PROM1: variants seen among roughly 807,000 people sequenced by gnomAD.
The protein encoded by PROM1 is prominin-1.
In PROM1, 105 loss-of-function variants were observed where a neutral mutation model predicts 116.9. That is an observed-to-expected ratio of 0.90 (90% CI 0.77 to 1.06). The LOEUF is 1.06. Ranked by LOEUF, PROM1 falls within the 50% of genes least tolerant of loss-of-function variation. The pLI, the probability that PROM1 is intolerant of heterozygous loss-of-function variation, is 0.00. For synonymous variants in PROM1, 393 were observed against 387.0 expected, an observed-to-expected ratio of 1.02 and a Z score of -0.18; for missense variants, 1,122 against 1,045.2, an observed-to-expected ratio of 1.07 and a Z score of -1.01.
At chr4:16,024,440 A>G in intron 6 of PROM1, 82 bp from the exon 7 acceptor site, 1 of 1,176,510 alleles carries the variant, frequency 8.5e-7, no homozygotes, top group Non-Finnish European at 1.2e-6. Context: ...AATATACAAA[A>G]GTTTTCCTGA....
chr4:16,044,012 G>C (rs10213467), intron 2 of PROM1, among the ~76,000 whole-genome samples: 121,717 of 152,168 alleles, frequency 0.8, 49,249 homozygotes, highest in East Asian at 0.94. Context: ...TTCTCTTGCA[G>C]TTTCTCACTA....
chr4:16,022,305 C>T (rs540160601), intron 8 of PROM1, among the ~76,000 whole-genome samples: 5 of 152,114 alleles, frequency 3.3e-5, no homozygotes, highest in Non-Finnish European at 7.4e-5. Context: ...ATGAAGAGAA[C>T]AGATGTCTAG....
chr4:16,056,248 G>A (rs1738984922), intron 2 of PROM1, among the ~76,000 whole-genome samples: 1 of 152,158 alleles, frequency 6.6e-6, no homozygotes, highest in African/African-American at 2.4e-5. Context: ...AGAAAACGCT[G>A]CAACCAGATT....
intron 16 of PROM1, among the ~76,000 whole-genome samples, chr4:15,992,786 A>G (rs1278504979): frequency 1.3e-5 from 2 of 152,186 alleles, no homozygotes; most frequent in African/African-American, 4.8e-5. Context: ...AGAAGCTGAA[A>G]GGGACACAGG....
intron 13 of PROM1, among the ~76,000 whole-genome samples, chr4:16,004,913 TCC>T (rs1724955708): frequency 9.5e-6 from 1 of 105,694 alleles, no homozygotes; most frequent in African/African-American, 3.2e-5. Context: ...CTCCCTTCCT[TCC>T]TTCCTTCCTT....
chr4:16,041,790 AT>A (rs1560554311), intron 2 of PROM1, among the ~76,000 whole-genome samples: 20 of 84,044 alleles, frequency 2.4e-4, no homozygotes, highest in African/African-American at 1.0e-3. Context: ...AAATAAATAT[AT>A]ATATATATAT....
intron 5 of PROM1, among the ~76,000 whole-genome samples, chr4:16,025,726 C>T (rs7439473): frequency 0.039 from 5,893 of 152,124 alleles, 139 homozygotes; most frequent in Middle Eastern, 0.075. Context: ...CACGCACACA[C>T]ACACACACAC....
chr4:16,031,337 T>C (rs1732653859), intron 5 of PROM1, among the ~76,000 whole-genome samples: 1 of 151,862 alleles, frequency 6.6e-6, no homozygotes, highest in Non-Finnish European at 1.5e-5. Context: ...GCGTGTAAGT[T>C]TCAGGCTTAC....
chr4:16,059,345 C>T (rs1444532077), intron 2 of PROM1, among the ~76,000 whole-genome samples: 1 of 152,138 alleles, frequency 6.6e-6, no homozygotes, highest in Admixed American at 6.5e-5. Context: ...GCTGTTTCTG[C>T]ATTTTTCTGA....
In PROM1 at chr4:15,971,069, A is replaced by C. The variant is rs778935197; in HGVS notation, c.2596T>G (p.Ter866GlyextTer1). ...NPVMTSPSQH[*>G] ...TCAAGCAGTTTCAACATCAGCTATC[A>C]ATGTTGTGATGGGCTAAAAAACAAA... The change falls in exon 27 of 28, where the codon TGA becomes GGA. Residue 866 changes from the stop codon to glycine, a stop_lost. Coordinates refer to ENST00000447510, the MANE Select transcript of PROM1 (RefSeq NM_006017.3). 1.1e-5 allele frequency: 17 copies of C among 1,580,932 alleles called. No homozygotes were observed. Among genetic ancestry groups the C allele is most frequent in the Admixed American group, 7.1e-5 (4 of 56,202 alleles).
intron 3 of PROM1, among the ~76,000 whole-genome samples, chr4:16,036,035 C>T (rs954736275): frequency 3.4e-4 from 52 of 152,262 alleles, no homozygotes; most frequent in African/African-American, 1.1e-3. Context: ...TAATCGGTTA[C>T]GCAAAGGAGA....
intron 13 of PROM1, among the ~76,000 whole-genome samples, chr4:16,005,421 G>A (rs1725174047): frequency 6.6e-6 from 1 of 151,526 alleles, no homozygotes; most frequent in South Asian, 2.1e-4. Context: ...ATTATTGTAG[G>A]GAAAGGATTT....
At chr4:16,083,747 G>A (rs564846028) in intron 1 of PROM1, 2 of 152,440 alleles carry the variant, frequency 1.3e-5, no homozygotes, top group South Asian at 4.1e-4. Context: ...CCTGGCTCGT[G>A]AATTATTTAT....
Position 15,989,761 on chromosome 4 carries a change from G to C in PROM1, c.2047C>G (p.Gln683Glu), listed in dbSNP as rs1325941198. Residue 683 changes from glutamine to glutamate, a missense_variant, in exon 19 of 28, where the codon CAA becomes GAA. Transcript: ENST00000447510. ...GATTGTTCTATAGGAAGGACTCGTT[G>C]CTGGTGAATTGTTTTAATAGTTTGT... is the stretch of plus-strand genomic sequence containing the variant. The part of the protein sequence containing the change: ...DAQTIKTIHQ[Q>E]RVLPIEQSLS... 1 of 1,609,008 alleles carries C rather than the reference G, an allele frequency of 6.2e-7. No individual in the cohort carries two copies. Among genetic ancestry groups the C allele is most frequent in the Non-Finnish European group, 8.5e-7 (1 of 1,177,224 alleles).
At chr4:16,037,470 T>C (rs182649353) in intron 3 of PROM1, among the ~76,000 whole-genome samples, 25 of 152,330 alleles carry the variant, frequency 1.6e-4, no homozygotes, top group Admixed American at 1.2e-3. Context: ...CTCTTGAGTA[T>C]AATTTTCTTG....
intron 7 of PROM1, 23 bp from the exon 8 acceptor site, chr4:16,023,438 A>T (rs755127608): frequency 6.5e-7 from 1 of 1,547,220 alleles, no homozygotes; most frequent in Non-Finnish European, 8.8e-7. Flanking sequence ...AAGCACAAAG[A>T]TGGTGAGGGT....
intron 2 of PROM1, among the ~76,000 whole-genome samples, chr4:16,057,386 C>T (rs1017023414): frequency 6.6e-6 from 1 of 152,246 alleles, no homozygotes; most frequent in Admixed American, 6.5e-5. Flanking sequence ...CTAATTTCAT[C>T]AGTGACAGCA....
chr4:15,994,091 A>C lies in PROM1; in HGVS notation c.1683-20T>G. ...CAGTCACTGTGGGAATGAACAGAGA[A>C]ATTAGGACCTAGAAAAGCTGTTGCA... On this transcript the variant is annotated intron_variant, in intron 15 of 27. Coordinates refer to ENST00000447510, the MANE Select transcript of PROM1 (RefSeq NM_006017.3). 1 of 1,613,414 alleles carries C rather than the reference A, an allele frequency of 6.2e-7. No individual in the cohort carries two copies. Among genetic ancestry groups the C allele is most frequent in the Non-Finnish European group, 8.5e-7 (1 of 1,179,668 alleles).
chr4:16,038,082 C>A (rs1347362979), intron 3 of PROM1: 1 of 152,302 alleles, frequency 6.6e-6, no homozygotes, highest in African/African-American at 2.4e-5. Flanking sequence ...CCCATCCCAC[C>A]GGCTCTGCCC....
Sources: gnomAD v4.1 joint callset for allele counts (sites outside exome capture counted in the v4.1 genomes callset) on GRCh38, gnomAD v4.1.1 for gene constraint, MANE v1.5 for transcripts, NCBI Gene and HGNC (gene_info 2026-07-23, HGNC 2026-07-21) for gene names.